TPH2: variants seen among roughly 807,000 people sequenced by gnomAD.
TPH2 encodes the protein tryptophan hydroxylase 2.
A neutral mutation model predicts 59.1 loss-of-function variants in TPH2; 27 were observed. The ratio of observed to expected loss-of-function variants is 0.46; its 90% CI spans 0.34 to 0.63. The LOEUF is 0.63. Among genes scored for constraint, TPH2 ranks in the 30% least tolerant of loss-of-function variants. The pLI is 0.01. For missense variants in TPH2, 523 were observed against 588.3 expected, an observed-to-expected ratio of 0.89 and a Z score of 1.15; for synonymous variants, 220 against 210.5, an observed-to-expected ratio of 1.05 and a Z score of -0.39.
At chr12:71,961,422 A>G in intron 5 of TPH2, 2 of 730,062 alleles carry the variant, frequency 2.7e-6, no homozygotes, top group Non-Finnish European at 3.9e-6. Flanking sequence ...TAGGATAATC[A>G]CGCTTCTTCA....
At chr12:71,949,166 ATTAG>A (rs1045482569) in intron 4 of TPH2, among the ~76,000 whole-genome samples, 3 of 152,240 alleles carry the variant, frequency 2.0e-5, no homozygotes, top group South Asian at 2.1e-4. Flanking sequence ...TGTCACATTT[ATTAG>A]TTATTTATAC....
At chr12:71,992,603 A>T (rs74812521) in intron 7 of TPH2, among the ~76,000 whole-genome samples, 44 of 145,762 alleles carry the variant, frequency 3.0e-4, no homozygotes, top group Non-Finnish European at 4.5e-4. Context: ...GACCCTGATT[A>T]AAAAAAAAAA....
intron 8 of TPH2, among the ~76,000 whole-genome samples, chr12:72,001,459 C>T (rs183541428): frequency 5.0e-4 from 75 of 149,950 alleles, no homozygotes; most frequent in African/African-American, 1.8e-3. Flanking sequence ...AGAGTTCTCT[C>T]TCGTTGCCCA....
intron 7 of TPH2, among the ~76,000 whole-genome samples, chr12:71,993,073 T>A (rs1290087467): frequency 6.6e-6 from 1 of 152,244 alleles, no homozygotes; most frequent in Non-Finnish European, 1.5e-5. Context: ...TCCTGTCCAC[T>A]ATTCTCAAGT....
chr12:71,945,244 C>G (rs1259188144), intron 4 of TPH2, among the ~76,000 whole-genome samples: 1 of 152,080 alleles, frequency 6.6e-6, no homozygotes, highest in African/African-American at 2.4e-5. Flanking sequence ...TTCCTCTACT[C>G]CAATAAAAAT....
intron 7 of TPH2, among the ~76,000 whole-genome samples, chr12:71,982,015 A>ATTTTTTTTTTTATTTTTTT (rs1872294312): frequency 1.7e-5 from 1 of 60,492 alleles, no homozygotes; most frequent in African/African-American, 6.1e-5. Context: ...TATCATTCGT[A>ATTTTTTTTTTTATTTTTTT]TTTTTTTTTT....
intron 8 of TPH2, among the ~76,000 whole-genome samples, chr12:72,014,395 CTTTTTTTT>C (rs71437200): frequency 1.5e-3 from 206 of 139,900 alleles, no homozygotes; most frequent in Non-Finnish European, 2.6e-3. Context: ...TTCTTTTTTT[CTTTTTTTT>C]TTTTTGAGAA....
At chr12:71,961,789 G>C in intron 5 of TPH2, 2 of 1,266,478 alleles carry the variant, frequency 1.6e-6, no homozygotes, top group Non-Finnish European at 2.0e-6. Flanking sequence ...GCCCTATCCT[G>C]TGGTGCACAG....
chr12:71,943,826 T>G (rs1871134519), intron 2 of TPH2, among the ~76,000 whole-genome samples: 1 of 152,018 alleles, frequency 6.6e-6, no homozygotes, highest in African/African-American at 2.4e-5. Context: ...TATAAAAAAA[T>G]TATAAAAGCT....
At chr12:71,946,114 A>G (rs1871191269) in intron 4 of TPH2, among the ~76,000 whole-genome samples, 1 of 152,032 alleles carries the variant, frequency 6.6e-6, no homozygotes. Flanking sequence ...AAGTCCCTTT[A>G]CCTCTGCACC....
At chr12:71,994,933 T>G (rs747089117) in intron 8 of TPH2, among the ~76,000 whole-genome samples, 30 of 152,100 alleles carry the variant, frequency 2.0e-4, no homozygotes, top group Non-Finnish European at 3.7e-4. Context: ...TAAAACTTTA[T>G]TTATAAAAGC....
At chr12:72,026,393 T>C (rs1393624066) in intron 9 of TPH2, among the ~76,000 whole-genome samples, 1 of 152,202 alleles carries the variant, frequency 6.6e-6, no homozygotes, top group Non-Finnish European at 1.5e-5. Flanking sequence ...ATTATCAAGC[T>C]TGAATGGCTA....
intron 7 of TPH2, among the ~76,000 whole-genome samples, chr12:71,989,313 T>C (rs1410266546): frequency 6.6e-6 from 1 of 152,216 alleles, no homozygotes; most frequent in Non-Finnish European, 1.5e-5. Flanking sequence ...CTTATCATCT[T>C]ATGCAGTGAA....
intron 9 of TPH2, among the ~76,000 whole-genome samples, chr12:72,026,941 A>G (rs1049344495): frequency 2.6e-5 from 4 of 152,138 alleles, no homozygotes; most frequent in Non-Finnish European, 5.9e-5. Context: ...GTATGTATAT[A>G]TTTGTTGTTC....
intron 5 of TPH2, among the ~76,000 whole-genome samples, chr12:71,961,340 T>A (rs1871675938): frequency 6.6e-6 from 1 of 152,230 alleles, no homozygotes; most frequent in Non-Finnish European, 1.5e-5. Context: ...ATTATAGTAT[T>A]GTTATTGTCA....
intron 7 of TPH2, among the ~76,000 whole-genome samples, chr12:71,988,481 G>T (rs557642820): frequency 8.5e-5 from 13 of 152,302 alleles, no homozygotes; most frequent in African/African-American, 3.1e-4. Context: ...CACTTCACAT[G>T]GCGAAGGGAG....
At chr12:72,017,362 A>AT (rs1566166507) in intron 8 of TPH2, among the ~76,000 whole-genome samples, 1 of 152,248 alleles carries the variant, frequency 6.6e-6, no homozygotes, top group African/African-American at 2.4e-5. Context: ...CTTCTGCTTA[A>AT]TGACTGCATG....
At chr12:71,968,003 C>T (rs905884495) in intron 5 of TPH2, among the ~76,000 whole-genome samples, 1 of 152,156 alleles carries the variant, frequency 6.6e-6, no homozygotes, top group African/African-American at 2.4e-5. Context: ...ACTTTTCCTT[C>T]CCTTCTCTAA....
chr12:71,965,178 T>C (rs1301558871), intron 5 of TPH2: 1 of 152,238 alleles, frequency 6.6e-6, no homozygotes, highest in Non-Finnish European at 1.5e-5. Flanking sequence ...TCTCATGCAA[T>C]CTGTCACTGA....
Sources: gnomAD v4.1 joint callset for allele counts (sites outside exome capture counted in the v4.1 genomes callset) on GRCh38, gnomAD v4.1.1 for gene constraint, MANE v1.5 for transcripts, NCBI Gene and HGNC (gene_info 2026-07-23, HGNC 2026-07-21) for gene names.